Variants in ADCY8 observed in about 807,000 individuals in gnomAD.
ADCY8 encodes the protein adenylate cyclase 8.
Under a neutral mutation model 119.7 loss-of-function variants are expected in ADCY8, and 51 were observed. The ratio of observed to expected loss-of-function variants is 0.43; its 90% CI spans 0.34 to 0.54. The LOEUF is 0.54. Ranked by LOEUF, ADCY8 falls within the 20% of genes least tolerant of loss-of-function variation. The probability of loss-of-function intolerance (pLI) is 0.03; values close to 1 mark genes in which losing one functional copy is unlikely to be tolerated. For synonymous variants in ADCY8, 665 were observed against 651.0 expected (o/e 1.02, Z -0.33); for missense variants, 1,383 against 1,598.8 (o/e 0.87, Z 2.30).
At chr8:130,859,363 C>G (rs191622463) in intron 9 of ADCY8, among the ~76,000 whole-genome samples, 1 of 152,188 alleles carries the variant, frequency 6.6e-6, no homozygotes, top group Admixed American at 6.5e-5. Context: ...TGACTCCCAC[C>G]ATCTGCCATC....
At position 130,780,645 on chromosome 8, in the gene ADCY8, C is replaced by A. The variant is rs73354865; in HGVS notation, c.3501G>T (p.Thr1167=). Residue 1167 remains threonine, a synonymous_variant, in exon 18 of 18, where the codon ACG becomes ACT. Coordinates refer to ENST00000286355, the MANE Select transcript of ADCY8 (RefSeq NM_001115.3). The part of the protein sequence containing the change: ...GISEQEGKIK[T]YFLLGRVQPN... ...GTTGGACTCTTCCCAGAAGAAAGTA[C>A]GTTTTGATTTTTCCTTCCTGTTCAC... The A allele has an allele frequency of 5.0e-4, 810 of 1,614,164 alleles. No individual in the cohort carries two copies. In the African/African-American group the frequency reaches 8.1e-3, roughly 16 times the overall value.
At chr8:130,915,813 A>G (rs1820110861) in intron 5 of ADCY8, among the ~76,000 whole-genome samples, 1 of 152,188 alleles carries the variant, frequency 6.6e-6, no homozygotes, top group Non-Finnish European at 1.5e-5. Context: ...ATTCACACAG[A>G]CATAGCTTCA....
intron 8 of ADCY8, among the ~76,000 whole-genome samples, chr8:130,868,433 C>CTTTTT (rs1818206714): frequency 6.6e-6 from 1 of 152,162 alleles, no homozygotes; most frequent in African/African-American, 2.4e-5. Context: ...GCTAGTGTAG[C>CTTTTT]CTTTTCATTT....
At chr8:130,848,087 C>T (rs537586864) in intron 10 of ADCY8, among the ~76,000 whole-genome samples, 1 of 152,194 alleles carries the variant, frequency 6.6e-6, no homozygotes, top group Non-Finnish European at 1.5e-5. Context: ...GATGTAGCTG[C>T]TATTTTTAAT....
intron 7 of ADCY8, among the ~76,000 whole-genome samples, chr8:130,891,804 G>T (rs888062268): frequency 6.6e-6 from 1 of 152,072 alleles, no homozygotes; most frequent in Non-Finnish European, 1.5e-5. Flanking sequence ...CTTATAACAA[G>T]TTTTCCTTCT....
chr8:131,012,875 T>C (rs1287908927), intron 1 of ADCY8, among the ~76,000 whole-genome samples: 1 of 152,186 alleles, frequency 6.6e-6, no homozygotes. Context: ...TGGGTACTGA[T>C]CCCAACCGAA....
intron 1 of ADCY8, among the ~76,000 whole-genome samples, chr8:130,995,061 C>T (rs1822730312): frequency 6.6e-6 from 1 of 152,148 alleles, no homozygotes; most frequent in Non-Finnish European, 1.5e-5. Flanking sequence ...AATAGTCACT[C>T]TTATACCTAG....
intron 1 of ADCY8, among the ~76,000 whole-genome samples, chr8:131,012,910 T>G (rs977029213): frequency 6.6e-6 from 1 of 152,190 alleles, no homozygotes; most frequent in Admixed American, 6.5e-5. Flanking sequence ...CCTACAAACT[T>G]ATCTCCTTCT....
At chr8:130,972,924 C>T (rs1821967617) in intron 2 of ADCY8, among the ~76,000 whole-genome samples, 3 of 151,838 alleles carry the variant, frequency 2.0e-5, no homozygotes, top group Admixed American at 1.3e-4. Context: ...CGATAATTAG[C>T]CTCTCATGGA....
intron 11 of ADCY8, among the ~76,000 whole-genome samples, chr8:130,846,951 T>A (rs1817350069): frequency 7.1e-6 from 1 of 140,082 alleles, no homozygotes; most frequent in Admixed American, 7.1e-5. Flanking sequence ...CCTTCCTTCC[T>A]TCCTTTGTTC....
intron 9 of ADCY8, among the ~76,000 whole-genome samples, chr8:130,862,293 T>C (rs1452396414): frequency 3.3e-5 from 5 of 152,198 alleles, no homozygotes; most frequent in African/African-American, 1.2e-4. Flanking sequence ...TTGTTATTAA[T>C]TTTAGATCTC....
chr8:130,846,795 CTTCCTTCCTTCCCTCCCCTCCCT>C (rs1817324786), intron 11 of ADCY8, among the ~76,000 whole-genome samples: 1 of 64,088 alleles, frequency 1.6e-5, no homozygotes, highest in Admixed American at 1.8e-4. Context: ...CTTCCTTCTC[CTTCCTTCCTTCCCTCCCCTCCCT>C]TTCCTTCCTT....
chr8:131,012,376 G>A (rs919706231), intron 1 of ADCY8, among the ~76,000 whole-genome samples: 16 of 152,272 alleles, frequency 1.1e-4, no homozygotes, highest in African/African-American at 3.4e-4. Flanking sequence ...AATGTACATC[G>A]GTTGGTGCCC....
chr8:130,886,542 C>T (rs1168005412), intron 7 of ADCY8, among the ~76,000 whole-genome samples: 2 of 151,992 alleles, frequency 1.3e-5, no homozygotes, highest in Non-Finnish European at 2.9e-5. Flanking sequence ...GTTTTTTGGT[C>T]AGAAATTTTT....
chr8:131,039,361 A>G lies in ADCY8; in HGVS notation c.960+13T>C. ...GTTAGAGGGGAAACAAATGCAAGGC[A>G]GGCAGGAGTTACCTGGTTGATGGAA... On this transcript the variant is annotated intron_variant, in intron 1 of 17. Transcript: ENST00000286355. 1.2e-6 allele frequency: 2 copies of G among 1,610,076 alleles called. No homozygotes were observed. The highest frequency in any genetic ancestry group is 1.7e-6 in the Non-Finnish European group (2 of 1,176,958).
chr8:130,814,595 TA>T (rs1816278245), intron 13 of ADCY8, among the ~76,000 whole-genome samples: 1 of 152,222 alleles, frequency 6.6e-6, no homozygotes, highest in Non-Finnish European at 1.5e-5. Context: ...GAAAGATGTT[TA>T]ATGGACTTCT....
chr8:130,793,294 T>C (rs898380809), intron 15 of ADCY8, among the ~76,000 whole-genome samples: 2 of 152,256 alleles, frequency 1.3e-5, no homozygotes, highest in Admixed American at 6.5e-5. Context: ...TGTCCAACCA[T>C]CTCGGTTCAC....
At chr8:130,921,242 T>C (rs1384381835) in intron 5 of ADCY8, among the ~76,000 whole-genome samples, 1 of 152,132 alleles carries the variant, frequency 6.6e-6, no homozygotes, top group Non-Finnish European at 1.5e-5. Flanking sequence ...TAAAAATAGA[T>C]GTATTAAGAA....
chr8:130,886,979 G>C (rs1586534360), intron 7 of ADCY8, among the ~76,000 whole-genome samples: 2 of 120,906 alleles, frequency 1.7e-5, no homozygotes, highest in Non-Finnish European at 1.9e-5. Context: ...TAGAAGAAAG[G>C]GCGTTTTTTT....
Sources: allele counts gnomAD v4.1 joint callset (sites outside exome capture counted in the v4.1 genomes callset), GRCh38; gene constraint gnomAD v4.1.1; transcripts MANE v1.5; gene names NCBI Gene and HGNC (gene_info 2026-07-23, HGNC 2026-07-21).